The following ZNF385D variants were observed in gnomAD, a reference collection of about 807,000 sequenced individuals.
ZNF385D encodes zinc finger protein 385D, also known as zinc finger protein 659.
Under a neutral mutation model 35.8 loss-of-function variants are expected in ZNF385D, and 15 were observed. The observed-to-expected ratio is 0.42, with a 90% CI of 0.28 to 0.64. The LOEUF is 0.64. Among genes scored for constraint, ZNF385D ranks in the 30% least tolerant of loss-of-function variants. ZNF385D has a pLI of 0.23. For synonymous variants in ZNF385D, 212 were observed against 186.8 expected, an observed-to-expected ratio of 1.13 and a Z score of -1.10; for missense variants, 474 against 494.6, an observed-to-expected ratio of 0.96 and a Z score of 0.39.
chr3:21,500,748 G>A (rs886379982), intron 4 of ZNF385D, among the ~76,000 whole-genome samples: 4 of 152,190 alleles, frequency 2.6e-5, no homozygotes, highest in African/African-American at 9.6e-5. Context: ...TCACTAAAGA[G>A]TTCTGATGCT....
chr3:22,235,555 T>C (rs2125304788), intron 2 of ZNF385D, among the ~76,000 whole-genome samples: 1 of 152,226 alleles, frequency 6.6e-6, no homozygotes, highest in South Asian at 2.1e-4. Context: ...TGCTAAACAG[T>C]GTTTTCTAAA....
chr3:21,837,066 C>A (rs1165704607), intron 3 of ZNF385D, among the ~76,000 whole-genome samples: 1 of 152,092 alleles, frequency 6.6e-6, no homozygotes, highest in Non-Finnish European at 1.5e-5. Flanking sequence ...CCTTAAAGCT[C>A]TTTAAAGTAT....
chr3:22,234,437 C>G (rs1191981550), intron 2 of ZNF385D, among the ~76,000 whole-genome samples: 2 of 152,038 alleles, frequency 1.3e-5, no homozygotes, highest in Non-Finnish European at 2.9e-5. Flanking sequence ...CTAAATCATT[C>G]ATTTCATCCA....
intron 2 of ZNF385D, among the ~76,000 whole-genome samples, chr3:22,190,349 T>C (rs111788401): frequency 1.7e-4 from 26 of 152,204 alleles, no homozygotes; most frequent in African/African-American, 5.8e-4. Flanking sequence ...TGACAGTGCA[T>C]TTACAAGAGA....
At chr3:21,931,880 G>A (rs1025961160) in intron 3 of ZNF385D, among the ~76,000 whole-genome samples, 1 of 151,948 alleles carries the variant, frequency 6.6e-6, no homozygotes, top group Non-Finnish European at 1.5e-5. Flanking sequence ...TGTGACTTGA[G>A]GCCGGGCGCG....
At chr3:22,109,842 G>A (rs960129503) in intron 3 of ZNF385D, among the ~76,000 whole-genome samples, 2 of 152,212 alleles carry the variant, frequency 1.3e-5, no homozygotes, top group Non-Finnish European at 2.9e-5. Flanking sequence ...TGAACAGGCA[G>A]CGTACAGAAT....
intron 4 of ZNF385D, among the ~76,000 whole-genome samples, chr3:21,484,801 CA>C (rs1267530020): frequency 6.6e-6 from 1 of 152,116 alleles, no homozygotes; most frequent in African/African-American, 2.4e-5. Context: ...CTGTCTCTTC[CA>C]AGTTTAGAAT....
intron 2 of ZNF385D, among the ~76,000 whole-genome samples, chr3:21,590,201 A>G (rs1026405638): frequency 6.6e-6 from 1 of 152,194 alleles, no homozygotes; most frequent in African/African-American, 2.4e-5. Flanking sequence ...GTCAACATGG[A>G]TGGATCTCAG....
chr3:21,602,372 G>A (rs559874543), intron 2 of ZNF385D, among the ~76,000 whole-genome samples: 12 of 151,992 alleles, frequency 7.9e-5, no homozygotes, highest in African/African-American at 1.4e-4. Flanking sequence ...ATTGGCCAGC[G>A]TGCAAATATT....
chr3:22,038,182 A>G (rs1003530543), intron 3 of ZNF385D, among the ~76,000 whole-genome samples: 7 of 152,194 alleles, frequency 4.6e-5, no homozygotes, highest in African/African-American at 1.7e-4. Flanking sequence ...AGTGTAGGAG[A>G]TAACAAGATG....
intron 3 of ZNF385D, among the ~76,000 whole-genome samples, chr3:21,903,024 T>C (rs1310669721): frequency 6.6e-6 from 1 of 152,128 alleles, no homozygotes; most frequent in Non-Finnish European, 1.5e-5. Flanking sequence ...CTAATAAAAC[T>C]GAGTTTCTGG....
At chr3:21,439,009 CT>C (rs975920182) in intron 4 of ZNF385D, among the ~76,000 whole-genome samples, 11 of 152,134 alleles carry the variant, frequency 7.2e-5, no homozygotes, top group East Asian at 1.9e-4. Context: ...TTATTGCCCC[CT>C]ATATACCAGA....
intron 4 of ZNF385D, among the ~76,000 whole-genome samples, chr3:21,448,880 A>T (rs1265026441): frequency 6.6e-6 from 1 of 152,144 alleles, no homozygotes; most frequent in African/African-American, 2.4e-5. Context: ...AAAATTTGCC[A>T]AACTATGTAT....
At chr3:22,169,402 T>A (rs1396703185) in intron 2 of ZNF385D, among the ~76,000 whole-genome samples, 3 of 152,242 alleles carry the variant, frequency 2.0e-5, no homozygotes, top group Non-Finnish European at 4.4e-5. Context: ...GGTATAGCTG[T>A]GATAAGCATT....
At chr3:22,365,492 A>T (rs1696615230) in intron 2 of ZNF385D, among the ~76,000 whole-genome samples, 1 of 152,058 alleles carries the variant, frequency 6.6e-6, no homozygotes, top group Non-Finnish European at 1.5e-5. Flanking sequence ...TTCTAAAAAA[A>T]ATTTTTTTTT....
chr3:21,928,367 G>A (rs1204450056), intron 3 of ZNF385D, among the ~76,000 whole-genome samples: 1 of 150,798 alleles, frequency 6.6e-6, no homozygotes, highest in Non-Finnish European at 1.5e-5. Flanking sequence ...AGGAAGGAAA[G>A]GAAAGGAAAG....
intron 3 of ZNF385D, among the ~76,000 whole-genome samples, chr3:21,555,215 G>GTTT (rs35875777): frequency 1.4e-5 from 2 of 141,176 alleles, no homozygotes; most frequent in Non-Finnish European, 1.6e-5. Flanking sequence ...GGCAATTGTA[G>GTTT]TTTTTTTTTT....
chr3:21,787,941 C>CAAGAAAAAAAAAAAAAAAAAAA (rs2071762948), intron 3 of ZNF385D, among the ~76,000 whole-genome samples: 2 of 29,756 alleles, frequency 6.7e-5, no homozygotes, highest in South Asian at 4.1e-3. Flanking sequence ...GACTTCGTCT[C>CAAGAAAAAAAAAAAAAAAAAAA]AACAAAAAAA....
intron 2 of ZNF385D, among the ~76,000 whole-genome samples, chr3:22,177,555 G>C (rs2131064): frequency 0.23 from 34,321 of 152,104 alleles, 3,994 homozygotes; most frequent in African/African-American, 0.24. Context: ...TGAGAAGAGA[G>C]AGATAATGTA....
Sources: gnomAD v4.1 joint callset for allele counts (sites outside exome capture counted in the v4.1 genomes callset) on GRCh38, gnomAD v4.1.1 for gene constraint, MANE v1.5 for transcripts, NCBI Gene and HGNC (gene_info 2026-07-23, HGNC 2026-07-21) for gene names.